PVT1: variants seen among roughly 807,000 people sequenced by gnomAD.
PVT1 encodes Pvt1 oncogene.
intron 2 of PVT1, among the ~76,000 whole-genome samples, chr8:127,818,074 C>T (rs13277592): frequency 0.062 from 9,389 of 152,140 alleles, 361 homozygotes; most frequent in Middle Eastern, 0.082. Context: ...TTCCCCTCAA[C>T]GTGGGCCAAG....
chr8:127,966,020 A>T (rs2129954658), intron 3 of PVT1, among the ~76,000 whole-genome samples: 3 of 152,318 alleles, frequency 2.0e-5, no homozygotes, highest in Admixed American at 2.0e-4. Flanking sequence ...CCAGTTTTAG[A>T]GGTTTTGCCA....
At chr8:127,834,485 A>G (rs1814887106) in intron 2 of PVT1, among the ~76,000 whole-genome samples, 1 of 152,226 alleles carries the variant, frequency 6.6e-6, no homozygotes, top group Non-Finnish European at 1.5e-5. Flanking sequence ...AAACCTAGGC[A>G]ACACCATTCA....
At chr8:128,098,653 A>AT (rs1376538727) in intron 6 of PVT1, among the ~76,000 whole-genome samples, 1 of 152,196 alleles carries the variant, frequency 6.6e-6, no homozygotes, top group African/African-American at 2.4e-5. Context: ...CGTGTCTTAT[A>AT]TTAGAGATAA....
At chr8:128,080,368 C>T (rs1814161076) in intron 5 of PVT1, among the ~76,000 whole-genome samples, 1 of 152,216 alleles carries the variant, frequency 6.6e-6, no homozygotes, top group Admixed American at 6.5e-5. Flanking sequence ...ATGAGAGTCC[C>T]TGTTGCTCCA....
intron 3 of PVT1, among the ~76,000 whole-genome samples, chr8:127,932,278 T>C (rs1640086711): frequency 6.6e-6 from 1 of 152,202 alleles, no homozygotes; most frequent in South Asian, 2.1e-4. Flanking sequence ...TTTCTGCTCC[T>C]CTCCCATTAC....
intron 4 of PVT1, among the ~76,000 whole-genome samples, chr8:128,025,431 C>T (rs1355210928): frequency 1.3e-5 from 2 of 152,160 alleles, no homozygotes; most frequent in East Asian, 1.9e-4. Context: ...AGAACAAACA[C>T]TGGCAAGGTG....
chr8:128,069,636 C>T (rs1813957711), intron 4 of PVT1, among the ~76,000 whole-genome samples: 3 of 152,172 alleles, frequency 2.0e-5, no homozygotes, highest in African/African-American at 7.2e-5. Context: ...CAGGAAGCCC[C>T]TGCTACGTTC....
intron 3 of PVT1, among the ~76,000 whole-genome samples, chr8:127,921,214 G>T (rs904685255): frequency 1.3e-5 from 2 of 152,138 alleles, no homozygotes; most frequent in African/African-American, 4.8e-5. Context: ...TGTGCCGAGC[G>T]CTGAGTAGTG....
At chr8:127,925,546 GATTC>G (rs375596978) in intron 3 of PVT1, among the ~76,000 whole-genome samples, 23 of 152,296 alleles carry the variant, frequency 1.5e-4, no homozygotes, top group African/African-American at 5.5e-4. Context: ...ACTATGGTAG[GATTC>G]ATTAATTAAT....
intron 4 of PVT1, among the ~76,000 whole-genome samples, chr8:128,019,887 C>G (rs530862726): frequency 6.6e-6 from 1 of 152,306 alleles, no homozygotes; most frequent in African/African-American, 2.4e-5. Flanking sequence ...GGAGTTCACT[C>G]TAGCTTTGGT....
intron 5 of PVT1, among the ~76,000 whole-genome samples, chr8:128,095,894 G>A (rs778401079): frequency 6.6e-5 from 10 of 152,122 alleles, no homozygotes; most frequent in Non-Finnish European, 1.2e-4. Flanking sequence ...ATGCTCTTTC[G>A]GCATGGTCAG....
At chr8:127,934,119 C>T (rs528253820) in intron 3 of PVT1, among the ~76,000 whole-genome samples, 6 of 152,266 alleles carry the variant, frequency 3.9e-5, no homozygotes, top group South Asian at 2.1e-4. Flanking sequence ...TATGGGCCAT[C>T]GGCTAAGGTG....
chr8:128,071,524 T>A (rs1173133656), intron 5 of PVT1, among the ~76,000 whole-genome samples: 2 of 131,298 alleles, frequency 1.5e-5, no homozygotes, highest in South Asian at 2.5e-4. Context: ...TCTATAAAAA[T>A]TTTTAAAAAA....
chr8:127,825,641 G>T (rs1174735627), intron 2 of PVT1, among the ~76,000 whole-genome samples: 3 of 152,116 alleles, frequency 2.0e-5, no homozygotes, highest in African/African-American at 7.2e-5. Flanking sequence ...TGCTTTAGTG[G>T]AAATCAAAAG....
At chr8:127,845,852 A>T (rs1020714356) in intron 2 of PVT1, among the ~76,000 whole-genome samples, 1 of 152,184 alleles carries the variant, frequency 6.6e-6, no homozygotes, top group African/African-American at 2.4e-5. Context: ...TCCAAGGTGG[A>T]CATCTCTCTG....
At chr8:128,097,182 G>A (rs1475612434) in intron 6 of PVT1, among the ~76,000 whole-genome samples, 2 of 152,270 alleles carry the variant, frequency 1.3e-5, no homozygotes, top group South Asian at 2.1e-4. Context: ...CCAACATGGC[G>A]AAACCCCATC....
At chr8:127,905,073 G>T (rs1421282148) in intron 3 of PVT1, among the ~76,000 whole-genome samples, 1 of 152,212 alleles carries the variant, frequency 6.6e-6, no homozygotes, top group Non-Finnish European at 1.5e-5. Flanking sequence ...GGTGCTCAAA[G>T]GTACCTGGCT....
At chr8:127,900,532 T>C (rs1184461945) in intron 3 of PVT1, among the ~76,000 whole-genome samples, 3 of 152,210 alleles carry the variant, frequency 2.0e-5, no homozygotes, top group Non-Finnish European at 4.4e-5. Flanking sequence ...TGTGTGTTTT[T>C]AAATTCTTAG....
At chr8:127,859,545 G>T (rs1815196802) in intron 2 of PVT1, among the ~76,000 whole-genome samples, 2 of 152,096 alleles carry the variant, frequency 1.3e-5, no homozygotes, top group African/African-American at 2.4e-5. Context: ...GAAGCTATGA[G>T]GTTAGGACAG....
Sources: allele counts gnomAD v4.1 joint callset (sites outside exome capture counted in the v4.1 genomes callset), GRCh38; gene constraint gnomAD v4.1.1; transcripts MANE v1.5; gene names NCBI Gene and HGNC (gene_info 2026-07-23, HGNC 2026-07-21).